DNAJC10: variants seen among roughly 807,000 people sequenced by gnomAD.
DNAJC10 encodes the protein DnaJ heat shock protein family (Hsp40) member C10.
DNAJC10 carries 101 observed loss-of-function variants against 115.0 expected under a neutral mutation model. The observed-to-expected ratio is 0.88, with a 90% CI of 0.75 to 1.04. DNAJC10 has a LOEUF of 1.04. Among genes scored for constraint, DNAJC10 ranks in the 50% least tolerant of loss-of-function variants. The probability of loss-of-function intolerance (pLI) is 0.00; values close to 1 mark genes in which losing one functional copy is unlikely to be tolerated. For missense variants in DNAJC10, 981 were observed against 928.8 expected (o/e 1.06, Z -0.73); for synonymous variants, 307 against 301.5 (o/e 1.02, Z -0.19).
intron 10 of DNAJC10, among the ~76,000 whole-genome samples, chr2:182,733,868 A>G (rs1200762268): frequency 2.6e-5 from 4 of 151,438 alleles, no homozygotes; most frequent in Non-Finnish European, 5.9e-5. Flanking sequence ...TGTTTTTCTA[A>G]GACTTCGTTC....
At position 182,768,866 on chromosome 2, in the gene DNAJC10, C is replaced by T. The variant is rs148011944; in HGVS notation, c.2265+6065C>T. Among the ~76,000 whole-genome samples, 281 of 152,160 alleles carry T rather than the reference C, an allele frequency of 1.8e-3. 2 individuals carry two copies. Among genetic ancestry groups the T allele is most frequent in the African/African-American group, 6.4e-3 (266 of 41,534 alleles). On this transcript the variant is annotated intron_variant, in intron 22 of 23. Transcript: ENST00000264065. ...TATACTCTAAGTTCTAGTGTACATGCGCACAATGTGCAGGTTTGATACATA... is the reference window on the plus strand; with the variant it reads ...TATACTCTAAGTTCTAGTGTACATGTGCACAATGTGCAGGTTTGATACATA...
chr2:182,741,801 G>C (rs548819189), intron 13 of DNAJC10, among the ~76,000 whole-genome samples: 1 of 152,052 alleles, frequency 6.6e-6, no homozygotes, highest in Non-Finnish European at 1.5e-5. Context: ...CATTTTGTGA[G>C]TGCCCATATG....
intron 5 of DNAJC10, among the ~76,000 whole-genome samples, chr2:182,723,063 G>T (rs1198211879): frequency 9.4e-6 from 1 of 106,480 alleles, no homozygotes; most frequent in East Asian, 2.6e-4. Flanking sequence ...TTTTTGAGAC[G>T]GAGTCTTGCT....
chr2:182,786,830 A>C lies in DNAJC10; in HGVS notation c.*9698A>C, dbSNP rs1347852555. On this transcript the variant is annotated 3_prime_UTR_variant, in exon 24 of 24. Transcript: ENST00000264065. The stretch of plus-strand genomic sequence containing the variant: ...CTGCTCTCCCTAAAATTATGTTGAA[A>C]TCCTAACCCCCAAGGTAATGGTATT... 1 of 152,190 alleles carries C rather than the reference A, an allele frequency of 6.6e-6. No homozygotes were observed. Among genetic ancestry groups the C allele is most frequent in the Non-Finnish European group, 1.5e-5 (1 of 68,052 alleles). The allele number at this position is 152,190 out of a possible 1,614,324, so 9.4% of individuals were successfully genotyped here.
chr2:182,725,908 T>A (rs2105614939), intron 5 of DNAJC10, among the ~76,000 whole-genome samples: 1 of 152,300 alleles, frequency 6.6e-6, no homozygotes, highest in African/African-American at 2.4e-5. Flanking sequence ...ACCATATCCA[T>A]TCTGCAGCCC....
intron 23 of DNAJC10, among the ~76,000 whole-genome samples, 194 bp from the exon 24 acceptor site, chr2:182,776,927 G>C (rs1694721555): frequency 6.6e-6 from 1 of 152,220 alleles, no homozygotes; most frequent in East Asian, 1.9e-4. Context: ...GCTGTGAGCA[G>C]GTAAGAACTA....
At chr2:182,751,539 C>T (rs1574942581) in intron 14 of DNAJC10, 119 bp from the exon 15 acceptor site, 2 of 1,236,492 alleles carry the variant, frequency 1.6e-6, no homozygotes, top group East Asian at 2.4e-5. Flanking sequence ...AAAACCTCAC[C>T]AAAATCAATT....
intron 23 of DNAJC10, among the ~76,000 whole-genome samples, chr2:182,776,512 A>G (rs1367012688): frequency 6.6e-6 from 1 of 152,218 alleles, no homozygotes; most frequent in Non-Finnish European, 1.5e-5. Flanking sequence ...TTCTTTCCCT[A>G]TGAGGCGAAA....
At chr2:182,732,886 T>C (rs1693487701) in intron 10 of DNAJC10, 1 of 250,872 alleles carries the variant, frequency 4.0e-6, no homozygotes, top group African/African-American at 2.3e-5. Flanking sequence ...ATAGCTCTCA[T>C]GTTATGGCTG....
In DNAJC10 at chr2:182,787,340, A is replaced by G. The variant is rs928945905; in HGVS notation, c.*10208A>G. On this transcript the variant is annotated 3_prime_UTR_variant, in exon 24 of 24. Coordinates refer to ENST00000264065, the MANE Select transcript of DNAJC10 (RefSeq NM_018981.4). ...TTTAAGGTTCTGGAATTATGGAAGA[A>G]AATAGGGTGGGCCTACTGTCTCTTC... The G allele has an allele frequency of 2.6e-5, 4 of 152,212 alleles. No homozygotes were observed. The highest frequency in any genetic ancestry group is 5.9e-5 in the Non-Finnish European group (4 of 68,070). 9.4% of individuals were successfully genotyped at this position (152,212 alleles called of 1,614,324 possible).
rs774830631 is a variant in DNAJC10 at position 182,755,033 on chromosome 2, G to T, written c.1582G>T (p.Val528Leu). 3 of 1,607,776 alleles carry T rather than the reference G, an allele frequency of 1.9e-6. No homozygotes were observed. The highest frequency in any genetic ancestry group is 2.6e-6 in the Non-Finnish European group (3 of 1,174,478). ...YNIQAYPTTV[V>L]FNQSNIHEYE... ...CATTCAGGCTTATCCAACAACAGTG[G>T]TATTCAACCAGTCCAACATTCATGA... The change falls in exon 17 of 24, where the codon GTA becomes TTA. Residue 528 changes from valine (V) to leucine (L), a missense_variant. Coordinates refer to ENST00000264065, the MANE Select transcript of DNAJC10 (RefSeq NM_018981.4).
rs772004270 is a variant in DNAJC10, at chr2:182,732,559, T to C, written c.849+17T>C. 1 of 1,611,488 alleles carries C rather than the reference T, an allele frequency of 6.2e-7. No individual in the cohort carries two copies. The highest frequency in any genetic ancestry group is 8.5e-7 in the Non-Finnish European group (1 of 1,177,992). On this transcript the variant is annotated intron_variant, in intron 10 of 23. Coordinates refer to ENST00000264065, the MANE Select transcript of DNAJC10 (RefSeq NM_018981.4). ...GGCATGTTGGTAAGCATCAATCATT[T>C]TGTAAAACTATATCACCATGTAAAG...
chr2:182,729,850 C>A lies in DNAJC10; in HGVS notation c.636C>A (p.Ala212=). ...TCTCTTCTTACAAAAACCAATAGGC[C>A]CCAGTGAAATATCATGGAGACAGAT... ...PSLFIFRSGM[A]PVKYHGDRSK... The change falls in exon 8 of 24, where the codon GCC becomes GCA. Residue 212 remains alanine, a splice_region_variant and synonymous_variant. Coordinates refer to ENST00000264065, the MANE Select transcript of DNAJC10 (RefSeq NM_018981.4). 1.3e-6 allele frequency: 2 copies of A among 1,575,184 alleles called. No homozygotes were observed. The highest frequency in any genetic ancestry group is 8.6e-7 in the Non-Finnish European group (1 of 1,163,374).
intron 14 of DNAJC10, among the ~76,000 whole-genome samples, chr2:182,749,989 A>G (rs939877099): frequency 8.5e-5 from 13 of 152,188 alleles, no homozygotes; most frequent in Non-Finnish European, 1.8e-4. Context: ...CTGTTGGCAG[A>G]GGCCTCAGTT....
intron 5 of DNAJC10, among the ~76,000 whole-genome samples, chr2:182,726,683 C>T (rs1424670310): frequency 6.6e-6 from 1 of 152,198 alleles, no homozygotes; most frequent in Non-Finnish European, 1.5e-5. Context: ...ATCAACATCA[C>T]GACATGCATG....
In DNAJC10 at chr2:182,789,095, C is replaced by CCTA. The variant is rs749262927; in HGVS notation, c.*11966_*11968dup. The CCTA allele has an allele frequency of 8.0e-4, 173 of 215,272 alleles. 1 individual carries two copies. The Middle Eastern group carries it at 0.017, about 21-fold the overall frequency. 13.3% of individuals were successfully genotyped at this position (215,272 alleles called of 1,614,324 possible). A position where few individuals can be genotyped will look rare whatever the true frequency, so the allele number is the denominator to read the frequency against. On this transcript the variant is annotated 3_prime_UTR_variant, in exon 24 of 24. Transcript: ENST00000264065. Reference sequence around the variant, plus strand: ...GCTGCTAGACCCTGACAACCACCACCCTACTTTCTATCAATATGACTACCA... The same window carrying CCTA: ...GCTGCTAGACCCTGACAACCACCACCCTACTACTTTCTATCAATATGACTACCA...
chr2:182,769,166 T>C (rs1694494841), intron 22 of DNAJC10, among the ~76,000 whole-genome samples: 2 of 152,184 alleles, frequency 1.3e-5, no homozygotes, highest in South Asian at 4.1e-4. Flanking sequence ...CATCCTTTTT[T>C]ATGGCTGCAT....
intron 5 of DNAJC10, among the ~76,000 whole-genome samples, chr2:182,727,695 G>A (rs924789749): frequency 5.9e-5 from 9 of 152,090 alleles, no homozygotes; most frequent in African/African-American, 1.7e-4. Flanking sequence ...AGAATACCAT[G>A]TGTGATTTAA....
chr2:182,758,965 A>G lies in DNAJC10; in HGVS notation c.1997+75A>G. 1.6e-6 allele frequency: 2 copies of G among 1,235,300 alleles called. 1 individual carries two copies. Among genetic ancestry groups the G allele is most frequent in the East Asian group, 4.7e-5 (2 of 42,466 alleles). 76.5% of individuals were successfully genotyped at this position (1,235,300 alleles called of 1,614,324 possible). A position where few individuals can be genotyped will look rare whatever the true frequency, so the allele number is the denominator to read the frequency against. ...TACCCCCCTTTTATATCAATAGTTA[A>G]ATTTACTGTGGGTTAAGGTTCTAGC... is the stretch of plus-strand genomic sequence containing the variant. On this transcript the variant is annotated intron_variant, in intron 20 of 23. Coordinates refer to ENST00000264065, the MANE Select transcript of DNAJC10 (RefSeq NM_018981.4).
Sources: allele counts gnomAD v4.1 joint callset (sites outside exome capture counted in the v4.1 genomes callset), GRCh38; gene constraint gnomAD v4.1.1; transcripts MANE v1.5; gene names NCBI Gene and HGNC (gene_info 2026-07-23, HGNC 2026-07-21).